FHIT: variants seen among roughly 807,000 people sequenced by gnomAD.
FHIT encodes the protein fragile histidine triad diadenosine triphosphatase.
Under a neutral mutation model 17.9 loss-of-function variants are expected in FHIT, and 19 were observed. The ratio of observed to expected loss-of-function variants is 1.06; its 90% CI spans 0.74 to 1.56. The LOEUF (loss-of-function observed/expected upper bound fraction) is 1.56. FHIT is among the 40% of genes most tolerant of loss of function. The probability of loss-of-function intolerance (pLI) is 0.00; values close to 1 mark genes in which losing one functional copy is unlikely to be tolerated. For synonymous variants in FHIT, 81 were observed against 69.7 expected, an observed-to-expected ratio of 1.16 and a Z score of -0.81; for missense variants, 248 against 189.2, an observed-to-expected ratio of 1.31 and a Z score of -1.82.
At chr3:61,244,435 A>G (rs1423368408) in intron 1 of FHIT, among the ~76,000 whole-genome samples, 1 of 152,208 alleles carries the variant, frequency 6.6e-6, no homozygotes, top group Non-Finnish European at 1.5e-5. Flanking sequence ...AAATTTAGAA[A>G]GACTCAATTG....
At chr3:60,417,559 T>C (rs1702297535) in intron 5 of FHIT, among the ~76,000 whole-genome samples, 1 of 152,188 alleles carries the variant, frequency 6.6e-6, no homozygotes, top group Admixed American at 6.5e-5. Context: ...GAACACATAA[T>C]TAAAAGCACT....
At chr3:60,745,232 G>A (rs1053285499) in intron 4 of FHIT, among the ~76,000 whole-genome samples, 4 of 152,218 alleles carry the variant, frequency 2.6e-5, no homozygotes, top group African/African-American at 9.6e-5. Context: ...GATATGGGGT[G>A]GCAGATAATT....
chr3:60,645,162 T>C (rs951316763), intron 4 of FHIT, among the ~76,000 whole-genome samples: 5 of 152,114 alleles, frequency 3.3e-5, no homozygotes, highest in Admixed American at 6.5e-5. Context: ...TATTGAAGTA[T>C]ATCAAAAACA....
At chr3:60,516,158 T>C (rs2035146293) in intron 5 of FHIT, among the ~76,000 whole-genome samples, 1 of 152,202 alleles carries the variant, frequency 6.6e-6, no homozygotes, top group Non-Finnish European at 1.5e-5. Context: ...ACCGAAGAGC[T>C]TGAATTTATG....
At chr3:60,129,049 G>GTTCTT (rs759645654) in intron 5 of FHIT, among the ~76,000 whole-genome samples, 1 of 121,042 alleles carries the variant, frequency 8.3e-6, no homozygotes, top group Non-Finnish European at 1.6e-5. Flanking sequence ...TTCCTTTTTT[G>GTTCTT]TTTGTTTTTT....
At chr3:60,472,969 A>G (rs1180732437) in intron 5 of FHIT, among the ~76,000 whole-genome samples, 1 of 152,176 alleles carries the variant, frequency 6.6e-6, no homozygotes, top group East Asian at 1.9e-4. Flanking sequence ...GTGCTATATT[A>G]TAGAAATGTT....
chr3:60,624,035 G>C (rs1388846135), intron 4 of FHIT, among the ~76,000 whole-genome samples: 2 of 152,196 alleles, frequency 1.3e-5, no homozygotes, highest in Non-Finnish European at 2.9e-5. Context: ...GTAATACAGA[G>C]AAAAACAGAA....
rs1576551626 is a variant in FHIT, at chr3:60,370,328, A to G, written c.103+166532T>C. Among the ~76,000 whole-genome samples, 5 of 152,326 alleles carry G rather than the reference A, an allele frequency of 3.3e-5. 1 individual carries two copies. The South Asian group carries it at 1.0e-3, about 32-fold the overall frequency. ...CAGGTTTCCTTTTCAATACACTTTC[A>G]GCTATCTTAGAAATTAACTGTTCGG... On this transcript the variant is annotated intron_variant, in intron 5 of 9. Transcript: ENST00000492590.
intron 3 of FHIT, among the ~76,000 whole-genome samples, chr3:60,889,909 CTTTAAGA>C (rs1451786364): frequency 1.3e-5 from 2 of 152,098 alleles, no homozygotes; most frequent in Non-Finnish European, 2.9e-5. Context: ...CATATTGATC[CTTTAAGA>C]TATAGATGTT....
chr3:60,541,557 T>C lies in FHIT; in HGVS notation c.-17-4578A>G, dbSNP rs758105920. Among the ~76,000 whole-genome samples, 92 of 152,334 alleles carry C rather than the reference T, an allele frequency of 6.0e-4. 2 individuals carry two copies. The highest frequency in any genetic ancestry group is 3.1e-4 in the Non-Finnish European group (21 of 68,038). ...CAGGCACCCATAGTCCTTTGACATATGATTGGTTCGGGAGTGGACACAGGA... is the reference window on the plus strand; with the variant it reads ...CAGGCACCCATAGTCCTTTGACATACGATTGGTTCGGGAGTGGACACAGGA... On this transcript the variant is annotated intron_variant, in intron 4 of 9. Coordinates refer to ENST00000492590, the MANE Select transcript of FHIT (RefSeq NM_002012.4).
chr3:60,622,437 T>TA (rs1463244075), intron 4 of FHIT, among the ~76,000 whole-genome samples: 2 of 152,058 alleles, frequency 1.3e-5, no homozygotes, highest in Non-Finnish European at 2.9e-5. Context: ...TGGGAAGGAC[T>TA]AACACACTTA....
intron 4 of FHIT, among the ~76,000 whole-genome samples, chr3:60,546,726 C>T (rs575718975): frequency 8.5e-5 from 13 of 152,166 alleles, no homozygotes; most frequent in Non-Finnish European, 1.8e-4. Flanking sequence ...AGAGTCTCAG[C>T]TCTGCCACTC....
At chr3:60,434,573 T>TG (rs1673932455) in intron 5 of FHIT, among the ~76,000 whole-genome samples, 1 of 152,074 alleles carries the variant, frequency 6.6e-6, no homozygotes, top group South Asian at 2.1e-4. Flanking sequence ...CCACTGAAAA[T>TG]GCTACCTGAT....
intron 4 of FHIT, among the ~76,000 whole-genome samples, chr3:60,688,733 T>A (rs529244592): frequency 1.3e-5 from 2 of 152,240 alleles, no homozygotes; most frequent in Non-Finnish European, 2.9e-5. Context: ...TGTCCGGCCA[T>A]GGTCAAATTA....
At chr3:60,027,136 C>CAAAAAAAAAA (rs1404321876) in intron 5 of FHIT, among the ~76,000 whole-genome samples, 1 of 118,588 alleles carries the variant, frequency 8.4e-6, no homozygotes, top group Non-Finnish European at 1.7e-5. Context: ...CACACACACA[C>CAAAAAAAAAA]ACACACACAC....
chr3:60,644,131 G>A (rs974745278), intron 4 of FHIT, among the ~76,000 whole-genome samples: 2 of 152,070 alleles, frequency 1.3e-5, no homozygotes, highest in Admixed American at 6.6e-5. Flanking sequence ...CTATCCTGAA[G>A]GCCATATTTT....
chr3:60,827,705 A>T (rs1362513232), intron 3 of FHIT, among the ~76,000 whole-genome samples: 2 of 152,238 alleles, frequency 1.3e-5, no homozygotes, highest in Admixed American at 6.5e-5. Flanking sequence ...AACTGCAGCA[A>T]AGGGCGTTCA....
intron 2 of FHIT, among the ~76,000 whole-genome samples, chr3:61,186,748 T>C (rs2038526388): frequency 6.6e-6 from 1 of 152,206 alleles, no homozygotes; most frequent in South Asian, 2.1e-4. Context: ...CCTTTCATCG[T>C]TTTTGTCACT....
intron 4 of FHIT, among the ~76,000 whole-genome samples, chr3:60,600,549 A>C (rs1233327218): frequency 6.6e-6 from 1 of 152,148 alleles, no homozygotes; most frequent in Non-Finnish European, 1.5e-5. Flanking sequence ...CTTTGCTATA[A>C]ATTTTGAAAG....
Sources: allele counts gnomAD v4.1 joint callset (sites outside exome capture counted in the v4.1 genomes callset), GRCh38; gene constraint gnomAD v4.1.1; transcripts MANE v1.5; gene names NCBI Gene and HGNC (gene_info 2026-07-23, HGNC 2026-07-21).